The following PHF14 variants were observed in gnomAD, a reference collection of about 807,000 sequenced individuals.
PHF14 encodes PHD finger protein 14.
A neutral mutation model predicts 117.9 loss-of-function variants in PHF14; 55 were observed. That is an observed-to-expected ratio of 0.47 (90% CI 0.38 to 0.58). The LOEUF is 0.58. Ranked by LOEUF, PHF14 falls within the 20% of genes least tolerant of loss-of-function variation. The pLI, the probability that PHF14 is intolerant of heterozygous loss-of-function variation, is 0.00. For missense variants in PHF14, 978 were observed against 1,122.2 expected (o/e 0.87, Z 1.84); for synonymous variants, 409 against 368.6 (o/e 1.11, Z -1.26).
intron 3 of PHF14, among the ~76,000 whole-genome samples, chr7:10,983,381 CAAG>C (rs1378209467): frequency 2.0e-5 from 3 of 152,164 alleles, no homozygotes; most frequent in Non-Finnish European, 4.4e-5. Flanking sequence ...TCTCTGTCCT[CAAG>C]GAGAAATATT....
intron 4 of PHF14, among the ~76,000 whole-genome samples, chr7:11,002,978 C>T (rs547224620): frequency 2.0e-5 from 3 of 151,946 alleles, no homozygotes; most frequent in African/African-American, 7.2e-5. Context: ...GACGGAGTCT[C>T]GCTCTGTCAC....
intron 4 of PHF14, chr7:11,006,654 T>A (rs1783114430): frequency 1.6e-6 from 1 of 616,726 alleles, no homozygotes; most frequent in Non-Finnish European, 3.1e-6. Context: ...GATGGTATAG[T>A]AGTCAAGCTT....
chr7:11,057,054 T>C (rs1322496219), intron 14 of PHF14, among the ~76,000 whole-genome samples: 8 of 152,074 alleles, frequency 5.3e-5, no homozygotes, highest in Non-Finnish European at 1.0e-4. Flanking sequence ...ATTCACCATA[T>C]GTGACTTACT....
intron 13 of PHF14, among the ~76,000 whole-genome samples, chr7:11,043,546 G>C (rs1363514630): frequency 6.6e-6 from 1 of 152,072 alleles, no homozygotes; most frequent in African/African-American, 2.4e-5. Flanking sequence ...ATCTCTACAA[G>C]AGGTTGTGTG....
intron 17 of PHF14, among the ~76,000 whole-genome samples, chr7:11,129,911 G>T (rs1788045762): frequency 1.3e-5 from 2 of 151,964 alleles, no homozygotes; most frequent in South Asian, 4.1e-4. Context: ...CAAGCAAAAA[G>T]AGATTGGCAA....
At chr7:10,984,155 T>C (rs1446887459) in intron 3 of PHF14, among the ~76,000 whole-genome samples, 3 of 152,178 alleles carry the variant, frequency 2.0e-5, no homozygotes, top group African/African-American at 4.8e-5. Context: ...TTTCCTCTTA[T>C]GCTTTATTTG....
chr7:11,013,052 G>C (rs117402889), intron 4 of PHF14, among the ~76,000 whole-genome samples: 2,995 of 152,184 alleles, frequency 0.02, 40 homozygotes, highest in Middle Eastern at 0.044. Flanking sequence ...GCATGAGTTT[G>C]ATCTTTTATA....
chr7:11,017,266 A>G (rs897583927), intron 5 of PHF14, among the ~76,000 whole-genome samples: 2 of 152,090 alleles, frequency 1.3e-5, no homozygotes, highest in African/African-American at 2.4e-5. Flanking sequence ...ATGTATACCC[A>G]ACAGTGCAGT....
At chr7:11,041,022 G>T (rs988807050) in intron 12 of PHF14, among the ~76,000 whole-genome samples, 1 of 151,816 alleles carries the variant, frequency 6.6e-6, no homozygotes, top group East Asian at 1.9e-4. Context: ...AATTACTTTA[G>T]ATAACATTAT....
Position 11,042,913 on chromosome 7 carries a change from G to A in PHF14, c.2312+99G>A. On this transcript the variant is annotated intron_variant, in intron 13 of 17. Transcript: ENST00000634607. ...ATATTTGTTCATAATAAAGTATTTG[G>A]CACATTTTAAAATTGACTGTCATCA... The A allele has an allele frequency of 6.0e-6, 5 of 830,650 alleles. No individual in the cohort carries two copies. The South Asian group carries it at 9.1e-5, about 15-fold the overall frequency. The allele number at this position is 830,650 out of a possible 1,614,324, so 51.5% of individuals were successfully genotyped here.
chr7:11,147,729 G>A (rs970046368), intron 17 of PHF14, among the ~76,000 whole-genome samples: 1 of 151,990 alleles, frequency 6.6e-6, no homozygotes, highest in Non-Finnish European at 1.5e-5. Flanking sequence ...GTAACGCTTG[G>A]TCATTGTGTC....
chr7:11,161,836 T>C (rs367997202), intron 17 of PHF14, among the ~76,000 whole-genome samples: 1 of 150,012 alleles, frequency 6.7e-6, no homozygotes, highest in Admixed American at 6.6e-5. Context: ...AAAAATATTA[T>C]AAATGAAGGA....
rs561232460 is a variant in PHF14 at position 11,030,549 on chromosome 7, A to G, written c.1455+1731A>G. On this transcript the variant is annotated intron_variant, in intron 7 of 17. Coordinates refer to ENST00000634607, the MANE Select transcript of PHF14 (RefSeq NM_001007157.2). ...GGATTTGGAGAGTGCATCTCCGTCT[A>G]AAGGCATGCAAATTAAATGAAACTA... Among the ~76,000 whole-genome samples, 47 of 152,278 alleles carry G rather than the reference A, an allele frequency of 3.1e-4. 1 individual carries two copies. The South Asian group carries it at 7.7e-3, about 25-fold the overall frequency.
chr7:11,153,948 CGTGTGTGTGT>C (rs10593375), intron 17 of PHF14, among the ~76,000 whole-genome samples: 1 of 149,276 alleles, frequency 6.7e-6, no homozygotes, highest in African/African-American at 2.5e-5. Context: ...TCTGTGTGTG[CGTGTGTGTGT>C]GTGTGTGTGT....
At chr7:11,009,793 TAC>T (rs1342461032) in intron 4 of PHF14, among the ~76,000 whole-genome samples, 3 of 152,314 alleles carry the variant, frequency 2.0e-5, no homozygotes, top group South Asian at 2.1e-4. Context: ...AAAAAATACA[TAC>T]AGACTTGCTG....
At chr7:11,077,995 T>G (rs1012731320) in intron 16 of PHF14, among the ~76,000 whole-genome samples, 1 of 152,184 alleles carries the variant, frequency 6.6e-6, no homozygotes, top group African/African-American at 2.4e-5. Context: ...TACATAACCT[T>G]AGACTGATCT....
At chr7:11,051,847 A>C (rs1784859734) in intron 14 of PHF14, 67 bp downstream of exon 14, 1 of 1,327,586 alleles carries the variant, frequency 7.5e-7, no homozygotes, top group Admixed American at 1.8e-5. Context: ...AGAGTGAGAA[A>C]GACACAGGGC....
At chr7:10,998,745 G>A (rs949936227) in intron 4 of PHF14, among the ~76,000 whole-genome samples, 1 of 152,120 alleles carries the variant, frequency 6.6e-6, no homozygotes, top group Non-Finnish European at 1.5e-5. Context: ...ATCCATGAAT[G>A]TCATTGCTGA....
intron 17 of PHF14, among the ~76,000 whole-genome samples, chr7:11,144,299 G>T (rs1788481718): frequency 6.6e-6 from 1 of 151,888 alleles, no homozygotes; most frequent in South Asian, 2.1e-4. Context: ...ATGGAAAACA[G>T]TATGGATGTT....
Sources: gnomAD v4.1 joint callset for allele counts (sites outside exome capture counted in the v4.1 genomes callset) on GRCh38, gnomAD v4.1.1 for gene constraint, MANE v1.5 for transcripts, NCBI Gene and HGNC (gene_info 2026-07-23, HGNC 2026-07-21) for gene names.